Variants in FHIP2A observed in about 807,000 individuals in gnomAD.
The protein encoded by FHIP2A is family with sequence similarity 160 member B1.
In FHIP2A, 46 loss-of-function variants were observed where a neutral mutation model predicts 93.5. The ratio of observed to expected loss-of-function variants is 0.49; its 90% CI spans 0.39 to 0.63. The LOEUF is 0.63. Ranked by LOEUF, FHIP2A falls within the 20% of genes least tolerant of loss-of-function variation. The probability of loss-of-function intolerance (pLI) is 0.00; values close to 1 mark genes in which losing one functional copy is unlikely to be tolerated. For missense variants in FHIP2A, 769 were observed against 909.7 expected (o/e 0.85, Z 1.99); for synonymous variants, 332 against 326.5 (o/e 1.02, Z -0.18).
At chr10:114,880,753 G>A (rs1412321086) in intron 16 of FHIP2A, among the ~76,000 whole-genome samples, 1 of 151,240 alleles carries the variant, frequency 6.6e-6, no homozygotes, top group Non-Finnish European at 1.5e-5. Flanking sequence ...TGTTGCATGG[G>A]TGTAGATATC....
chr10:114,830,932 T>C lies in FHIP2A; in HGVS notation c.124+2T>C. ...CCCATTACTACATAGAGACTTCAGGTAAGGAACAATGCTGATATTAACTGA... is the reference window on the plus strand; with the variant it reads ...CCCATTACTACATAGAGACTTCAGGCAAGGAACAATGCTGATATTAACTGA... On this transcript the variant is annotated splice_donor_variant, in intron 2 of 16. Transcript: ENST00000369248. LOFTEE classifies it high-confidence loss of function. 6.4e-7 allele frequency: 1 copy of C among 1,554,618 alleles called. No homozygotes were observed. Among genetic ancestry groups the C allele is most frequent in the Non-Finnish European group, 8.8e-7 (1 of 1,141,968 alleles).
At chr10:114,865,549 A>G (rs1217366960), downstream of FHIP2A, among the ~76,000 whole-genome samples, 6 of 152,144 alleles carry the variant, frequency 3.9e-5, no homozygotes, top group Admixed American at 2.0e-4. Context: ...GGTTGAAAGG[A>G]TGGAAGAGGC....
chr10:114,835,559 A>G lies in FHIP2A; in HGVS notation c.317A>G (p.Gln106Arg). 1 of 1,612,492 alleles carries G rather than the reference A, an allele frequency of 6.2e-7. No homozygotes were observed. Among genetic ancestry groups the G allele is most frequent in the Non-Finnish European group, 8.5e-7 (1 of 1,178,752 alleles). Residue 106 changes from glutamine (Q) to arginine (R), a missense_variant, in exon 4 of 17, where the codon CAG (glutamine) becomes CGG (arginine). Gln to Arg is a conservative substitution (Grantham distance 43). Transcript: ENST00000369248. ...CAGTGTCCTCCGGGAATGAAACAGC[A>G]GGTTTTGGTTTTCTATACGAAACTT... ...KADCPPGMKQ[Q>R]VLVFYTKLLG... is the part of the protein sequence containing the mutation.
At position 114,862,796 on chromosome 10, in the gene FHIP2A, C is replaced by A. The variant is rs976513875; in HGVS notation, c.*1256C>A. ...GTTTGTTTTTATTTGACATGTTAAGCCGCAGCACTTTCTTCTTCATCTTTC... is the reference window on the plus strand; with the variant it reads ...GTTTGTTTTTATTTGACATGTTAAGACGCAGCACTTTCTTCTTCATCTTTC... On this transcript the variant is annotated 3_prime_UTR_variant, in exon 17 of 17. Coordinates refer to ENST00000369248, the MANE Select transcript of FHIP2A (RefSeq NM_020940.4). The A allele has an allele frequency of 4.1e-6, 4 of 985,298 alleles. No individual in the cohort carries two copies. The African/African-American group carries it at 7.0e-5, about 17-fold the overall frequency. 61.0% of individuals were successfully genotyped at this position (985,298 alleles called of 1,614,324 possible). A position where few individuals can be genotyped will look rare whatever the true frequency, so the allele number is the denominator to read the frequency against.
At chr10:114,887,526 G>A (rs955314611) in intron 16 of FHIP2A, among the ~76,000 whole-genome samples, 4 of 152,242 alleles carry the variant, frequency 2.6e-5, no homozygotes, top group Non-Finnish European at 5.9e-5. Context: ...CACCCAGCTA[G>A]GAAGTGGTAG....
At chr10:114,854,997 G>A (rs1023903908) in intron 13 of FHIP2A, among the ~76,000 whole-genome samples, 200 bp from the exon 14 acceptor site, 1 of 152,194 alleles carries the variant, frequency 6.6e-6, no homozygotes, top group Non-Finnish European at 1.5e-5. Context: ...TATATTGGTA[G>A]CAGCAGTTAA....
At chr10:114,875,559 G>A (rs569423920) in intron 16 of FHIP2A, among the ~76,000 whole-genome samples, 176 of 152,218 alleles carry the variant, frequency 1.2e-3, no homozygotes, top group Non-Finnish European at 2.2e-3. Flanking sequence ...AGCTGGGCAT[G>A]ATGGCGGGTG....
chr10:114,868,933 T>G (rs2083844104), downstream of FHIP2A, among the ~76,000 whole-genome samples: 1 of 152,092 alleles, frequency 6.6e-6, no homozygotes, highest in Admixed American at 6.5e-5. Flanking sequence ...ACTATAATCA[T>G]AATTGCAAGC....
At chr10:114,881,351 T>C (rs1363142477) in intron 16 of FHIP2A, among the ~76,000 whole-genome samples, 1 of 152,176 alleles carries the variant, frequency 6.6e-6, no homozygotes, top group Non-Finnish European at 1.5e-5. Context: ...TGGAAAATAA[T>C]CCCAGTTGTT....
intron 12 of FHIP2A, 134 bp from the exon 13 acceptor site, chr10:114,848,513 C>T (rs2083715421): frequency 3.3e-6 from 2 of 599,000 alleles, no homozygotes; most frequent in African/African-American, 1.9e-5. Flanking sequence ...TACGATATCA[C>T]TAGATGCTTT....
rs556535552 is a variant in FHIP2A at position 114,852,958 on chromosome 10, C to A, written c.1804-2239C>A. Among the ~76,000 whole-genome samples the A allele has an allele frequency of 2.0e-5, 3 of 152,314 alleles. No homozygotes were observed. The South Asian group carries it at 6.2e-4, about 32-fold the overall frequency. On this transcript the variant is annotated intron_variant, in intron 13 of 16. Coordinates refer to ENST00000369248, the MANE Select transcript of FHIP2A (RefSeq NM_020940.4). The stretch of plus-strand genomic sequence containing the variant: ...GATATCTATATTTCTACACTGTCTT[C>A]AACATCCAGATTAAATGCCAGCTCG...
At chr10:114,896,050 A>C (rs944723912) in intron 16 of FHIP2A, among the ~76,000 whole-genome samples, 1 of 152,144 alleles carries the variant, frequency 6.6e-6, no homozygotes, top group Non-Finnish European at 1.5e-5. Flanking sequence ...CACTGAGCCA[A>C]CCAGCAGAAA....
chr10:114,884,423 T>C (rs553982023), intron 16 of FHIP2A, among the ~76,000 whole-genome samples: 1 of 152,356 alleles, frequency 6.6e-6, no homozygotes, highest in East Asian at 1.9e-4. Context: ...CACGTACTAG[T>C]GCTAAGAACT....
chr10:114,843,523 C>G (rs563828976), intron 6 of FHIP2A, among the ~76,000 whole-genome samples: 1 of 152,000 alleles, frequency 6.6e-6, no homozygotes, highest in Non-Finnish European at 1.5e-5. Flanking sequence ...AGGCTGGTCT[C>G]AAACTCCTGA....
chr10:114,839,999 T>TACA lies in FHIP2A; in HGVS notation c.523-2934_523-2933insACA, dbSNP rs2083660109. 2.0e-5 allele frequency among the ~76,000 whole-genome samples: 3 copies of TACA among 151,648 alleles called. No individual in the cohort carries two copies. The East Asian group carries it at 5.8e-4, about 29-fold the overall frequency. On this transcript the variant is annotated intron_variant, in intron 5 of 16. Transcript: ENST00000369248. ...AATCTAAAGTAGAGTAAGGTGAGAA[T>TACA]CAAAGGAAAGATACAAAGTAAATTC...
chr10:114,839,414 A>C (rs2143010736), intron 5 of FHIP2A, among the ~76,000 whole-genome samples: 1 of 152,300 alleles, frequency 6.6e-6, no homozygotes, highest in East Asian at 1.9e-4. Context: ...GGCATTAGCC[A>C]CCATGGCCAG....
chr10:114,849,127 CAAAAAAAAAAAAAA>C (rs34515682), intron 13 of FHIP2A, among the ~76,000 whole-genome samples: 4 of 50,410 alleles, frequency 7.9e-5, no homozygotes, highest in East Asian at 1.0e-3. Context: ...GACTCCATCT[CAAAAAAAAAAAAAA>C]AAAAAAAAAA....
exon 17 of FHIP2A, chr10:114,899,753 T>G (rs2084018177): frequency 2.2e-6 from 1 of 454,234 alleles, no homozygotes; most frequent in African/African-American, 2.0e-5. Flanking sequence ...AGGGGGCTAT[T>G]ACTGGGAAAA....
intron 16 of FHIP2A, among the ~76,000 whole-genome samples, chr10:114,886,040 G>C (rs1592034487): frequency 6.6e-6 from 1 of 152,184 alleles, no homozygotes; most frequent in Non-Finnish European, 1.5e-5. Flanking sequence ...ATGGAATAAA[G>C]CGTCTTAGTG....
Sources: gnomAD v4.1 joint callset for allele counts (sites outside exome capture counted in the v4.1 genomes callset) on GRCh38, gnomAD v4.1.1 for gene constraint, MANE v1.5 for transcripts, NCBI Gene and HGNC (gene_info 2026-07-23, HGNC 2026-07-21) for gene names.